Variants in RNF17 observed in about 807,000 individuals in gnomAD.
The protein encoded by RNF17 is spermatogenesis associated 23.
A neutral mutation model predicts 200.5 loss-of-function variants in RNF17; 31 were observed. That is an observed-to-expected ratio of 0.15 (90% CI 0.12 to 0.21). The LOEUF (loss-of-function observed/expected upper bound fraction) is 0.21, where lower values mean the gene tolerates loss of function less well. Ranked by LOEUF, RNF17 falls within the 10% of genes least tolerant of loss-of-function variation. The pLI is 1.00. For synonymous variants in RNF17, 606 were observed against 637.8 expected, an observed-to-expected ratio of 0.95 and a Z score of 0.75; for missense variants, 1,628 against 1,905.1, an observed-to-expected ratio of 0.85 and a Z score of 2.71.
chr13:24,788,052 G>A lies in RNF17; in HGVS notation c.676G>A (p.Ala226Thr), dbSNP rs776938954. The change falls in exon 7 of 36, where the codon GCT becomes ACT. Residue 226 changes from alanine (A) to threonine (T), a missense_variant. Ala to Thr is a moderately conservative substitution (Grantham distance 58, BLOSUM62 0). Coordinates refer to ENST00000255324, the MANE Select transcript of RNF17 (RefSeq NM_031277.3). ...TGATTATCTATCAAATTTAATAAAG[G>A]CTAAAAGCTACATTGAAGAGAAAAA... The part of the protein sequence containing the change: ...TDDYLSNLIK[A>T]KSYIEEKKNN... 6.3e-7 allele frequency: 1 copy of A among 1,594,866 alleles called. No homozygotes were observed. Among genetic ancestry groups the A allele is most frequent in the Non-Finnish European group, 8.5e-7 (1 of 1,173,590 alleles).
intron 15 of RNF17, among the ~76,000 whole-genome samples, chr13:24,805,355 C>A (rs1885719476): frequency 6.6e-6 from 1 of 152,148 alleles, no homozygotes; most frequent in African/African-American, 2.4e-5. Flanking sequence ...CAATCACATA[C>A]CATTTCTTCT....
At chr13:24,865,707 G>T (rs1026724837) in intron 29 of RNF17, among the ~76,000 whole-genome samples, 1 of 152,064 alleles carries the variant, frequency 6.6e-6, no homozygotes. Context: ...AATAGAAATC[G>T]TGCTATAACT....
chr13:24,770,428 C>T (rs1880495223), intron 2 of RNF17, among the ~76,000 whole-genome samples: 1 of 152,144 alleles, frequency 6.6e-6, no homozygotes, highest in South Asian at 2.1e-4. Context: ...GTATTTAATA[C>T]TTTCTTAAAC....
At chr13:24,884,106 A>G (rs1192949032), downstream of RNF17, 1 of 1,609,372 alleles carries the variant, frequency 6.2e-7, no homozygotes, top group Non-Finnish European at 8.5e-7. Flanking sequence ...TTGTTACAGT[A>G]AATATTTTTT....
At chr13:24,750,360 C>T in the RNF17 span, among the ~76,000 whole-genome samples, 1 of 152,092 alleles carries the variant, frequency 6.6e-6, no homozygotes, top group Non-Finnish European at 1.5e-5. Flanking sequence ...ACATACAGTT[C>T]AAAGATTATT....
chr13:24,829,232 T>C (rs1380735689), intron 16 of RNF17, among the ~76,000 whole-genome samples: 5 of 152,212 alleles, frequency 3.3e-5, no homozygotes, highest in African/African-American at 9.6e-5. Context: ...CATGTTTACC[T>C]CTTGAGTTTA....
chr13:24,884,218 T>C, downstream of RNF17: 1 of 1,614,112 alleles, frequency 6.2e-7, no homozygotes. Context: ...GTCGTGTGAG[T>C]GGTCTGGGCA....
At chr13:24,888,104 A>T in the RNF17 span, among the ~76,000 whole-genome samples, 5 of 152,228 alleles carry the variant, frequency 3.3e-5, no homozygotes, top group African/African-American at 4.8e-5. Flanking sequence ...ATAATTTTTT[A>T]AAATTCCAGA....
chr13:24,766,440 A>G (rs1003733153), intron 1 of RNF17, among the ~76,000 whole-genome samples: 2 of 152,258 alleles, frequency 1.3e-5, no homozygotes, highest in East Asian at 1.9e-4. Context: ...TAGGTTTTCA[A>G]TCAAGTTACG....
intron 1 of RNF17, among the ~76,000 whole-genome samples, chr13:24,765,785 G>T (rs1879593339): frequency 6.6e-6 from 1 of 152,188 alleles, no homozygotes; most frequent in African/African-American, 2.4e-5. Flanking sequence ...GAGTTATTCA[G>T]TATCAGAAAT....
At chr13:24,832,938 A>C (rs1889576460) in intron 18 of RNF17, among the ~76,000 whole-genome samples, 1 of 151,900 alleles carries the variant, frequency 6.6e-6, no homozygotes, top group African/African-American at 2.4e-5. Flanking sequence ...TAGAGATGGG[A>C]TCTTACTTTG....
intron 11 of RNF17, among the ~76,000 whole-genome samples, chr13:24,797,190 A>T (rs984887404): frequency 2.0e-5 from 3 of 152,246 alleles, no homozygotes; most frequent in African/African-American, 4.8e-5. Context: ...AATGTAATAC[A>T]TTCCAAAAAT....
At chr13:24,865,127 T>C in intron 29 of RNF17, 129 bp downstream of exon 29, 1 of 646,836 alleles carries the variant, frequency 1.5e-6, no homozygotes, top group South Asian at 2.2e-5. Context: ...CTAGAGGACT[T>C]ACACATTTTT....
intron 15 of RNF17, among the ~76,000 whole-genome samples, chr13:24,806,869 A>G (rs892652953): frequency 3.8e-4 from 55 of 144,918 alleles, no homozygotes; most frequent in Admixed American, 2.0e-3. Context: ...TCATTGTTCA[A>G]TTCCCACCTA....
intron 15 of RNF17, among the ~76,000 whole-genome samples, chr13:24,817,862 A>G (rs1593332892): frequency 6.6e-6 from 1 of 151,974 alleles, no homozygotes; most frequent in Non-Finnish European, 1.5e-5. Flanking sequence ...CAAATAATCA[A>G]CTTTTGGCTT....
chr13:24,800,924 C>G (rs1885176622), intron 13 of RNF17, among the ~76,000 whole-genome samples: 1 of 152,076 alleles, frequency 6.6e-6, no homozygotes, highest in South Asian at 2.1e-4. Context: ...TTATGAAAAT[C>G]TATTCTCCAG....
rs1390118322 is a variant in RNF17, at chr13:24,842,126, G to C, written c.2568G>C (p.Gln856His). ...TGACTACTACTAGTATTAATGACCA[G>C]CTAGTTAAAGAGGGCCTAGCATCTT... is the stretch of plus-strand genomic sequence containing the variant. The part of the protein sequence containing the change: ...PEMTTTSIND[Q>H]LVKEGLASYE... Residue 856 changes from glutamine to histidine, a missense_variant, in exon 19 of 36, where the codon CAG (glutamine) becomes CAC (histidine). Around this residue, in one of 5 missense-constraint regions of RNF17, gnomAD observed 227 missense variants for 319.8 expected, o/e 0.71. Coordinates refer to ENST00000255324, the MANE Select transcript of RNF17 (RefSeq NM_031277.3). 2.5e-6 allele frequency: 4 copies of C among 1,609,986 alleles called. No individual in the cohort carries two copies. Among genetic ancestry groups the C allele is most frequent in the Non-Finnish European group, 3.4e-6 (4 of 1,177,204 alleles).
At chr13:24,784,567 A>G (rs2137583811) in intron 6 of RNF17, among the ~76,000 whole-genome samples, 1 of 152,284 alleles carries the variant, frequency 6.6e-6, no homozygotes, top group East Asian at 1.9e-4. Context: ...CAGTTGTGAT[A>G]GGTTATGTGT....
At chr13:24,770,118 A>G (rs1166975757) in intron 2 of RNF17, among the ~76,000 whole-genome samples, 1 of 152,180 alleles carries the variant, frequency 6.6e-6, no homozygotes, top group African/African-American at 2.4e-5. Flanking sequence ...CTAAAATCCC[A>G]TGATTGGAAA....
Sources: allele counts gnomAD v4.1 joint callset (sites outside exome capture counted in the v4.1 genomes callset), GRCh38; gene constraint gnomAD v4.1.1; regional missense constraint gnomAD v4.1.1; transcripts MANE v1.5; gene names NCBI Gene and HGNC (gene_info 2026-07-23, HGNC 2026-07-21).